DHRS4L2: variants seen among roughly 807,000 people sequenced by gnomAD.
DHRS4L2 encodes dehydrogenase/reductase 4 like 2, also known as dehydrogenase/reductase SDR family member 4-like 2.
In DHRS4L2, 22 loss-of-function variants were observed where a neutral mutation model predicts 23.9. That is an observed-to-expected ratio of 0.92 (90% CI 0.66 to 1.31). The LOEUF (loss-of-function observed/expected upper bound fraction) is 1.31, where lower values mean the gene tolerates loss of function less well. Ranked by LOEUF, DHRS4L2 falls within the 40% of genes most tolerant of loss-of-function variation. DHRS4L2 has a pLI of 0.00. For missense variants in DHRS4L2, 385 were observed against 303.3 expected (o/e 1.27, Z -2.00); for synonymous variants, 141 against 123.7 (o/e 1.14, Z -0.93).
chr14:24,005,490 A>C (rs988588579), intron 7 of DHRS4L2, among the ~76,000 whole-genome samples: 1 of 152,056 alleles, frequency 6.6e-6, no homozygotes, highest in Non-Finnish European at 1.5e-5. Flanking sequence ...GTACAAATGG[A>C]ATCATTTTAA....
At chr14:23,972,385 C>T (rs183447256) in intron 1 of DHRS4L2, among the ~76,000 whole-genome samples, 1 of 151,958 alleles carries the variant, frequency 6.6e-6, no homozygotes, top group African/African-American at 2.4e-5. Context: ...TGGAGTTGTT[C>T]ATTCCTCCTG....
At chr14:23,999,390 A>G (rs2034446688) in intron 3 of DHRS4L2, among the ~76,000 whole-genome samples, 1 of 149,048 alleles carries the variant, frequency 6.7e-6, no homozygotes, top group South Asian at 2.1e-4. Flanking sequence ...TCTGCAAAGC[A>G]TAAGAAAATA....
upstream of DHRS4L2, chr14:23,988,724 C>T: frequency 1.5e-6 from 2 of 1,314,540 alleles, no homozygotes; most frequent in African/African-American, 1.5e-5. Context: ...GCTTTGATCA[C>T]TCACCAGCCC....
At chr14:23,973,127 A>G (rs1287276312) in intron 1 of DHRS4L2, among the ~76,000 whole-genome samples, 4 of 151,832 alleles carry the variant, frequency 2.6e-5, no homozygotes, top group Non-Finnish European at 5.9e-5. Flanking sequence ...TCTTTTACTA[A>G]TCCACCAGAG....
upstream of DHRS4L2, among the ~76,000 whole-genome samples, chr14:23,986,517 A>AAAAG (rs902984553): frequency 4.7e-5 from 7 of 150,192 alleles, no homozygotes; most frequent in African/African-American, 9.8e-5. Context: ...TAAAAAAAAA[A>AAAAG]AAAGAAAGAA....
At position 24,001,422 on chromosome 14, in the gene DHRS4L2, G is replaced by A. The variant is rs775705163; in HGVS notation, c.570G>A (p.Leu190=). 19 of 1,607,826 alleles carry A rather than the reference G, an allele frequency of 1.2e-5. 1 individual carries two copies. In the East Asian group the frequency reaches 1.8e-4, roughly 15 times the overall value. Residue 190 remains leucine (L), a synonymous_variant, in exon 6 of 8, where the codon CTG becomes CTA. Coordinates refer to ENST00000335125, the MANE Select transcript of DHRS4L2 (RefSeq NM_198083.4). The stretch of plus-strand genomic sequence containing the variant: ...ACAATGTCAGTAAAACAGCCTTGCT[G>A]GGCCTCAACAATACCCTGGCCATAG... The part of the protein sequence containing the change: ...SPYNVSKTAL[L]GLNNTLAIEL...
intron 1 of DHRS4L2, among the ~76,000 whole-genome samples, chr14:23,973,744 C>G (rs569441775): frequency 1.3e-5 from 2 of 151,600 alleles, no homozygotes; most frequent in East Asian, 3.9e-4. Flanking sequence ...AACCCAGATT[C>G]ATAAAGCAAG....
rs577818515 is a variant in DHRS4L2, at chr14:24,000,003, T to G, written c.409-860T>G. On this transcript the variant is annotated intron_variant, in intron 3 of 7. Coordinates refer to ENST00000335125, the MANE Select transcript of DHRS4L2 (RefSeq NM_198083.4). ...AGCCACCATGCCCAGCCCTGAGTTT[T>G]TTTTTTTTTAATTTACATTTTTTTA... is the stretch of plus-strand genomic sequence containing the variant. Among the ~76,000 whole-genome samples the G allele has an allele frequency of 2.0e-3, 281 of 140,240 alleles. 41 individuals carry two copies. Among genetic ancestry groups the G allele is most frequent in the African/African-American group, 5.6e-3 (184 of 32,980 alleles). 92.0% of individuals were successfully genotyped at this position (140,240 alleles called of 152,430 possible). A position where few individuals can be genotyped will look rare whatever the true frequency, so the allele number is the denominator to read the frequency against.
At chr14:24,000,642 T>C (rs2034466865) in intron 3 of DHRS4L2, among the ~76,000 whole-genome samples, 1 of 151,768 alleles carries the variant, frequency 6.6e-6, no homozygotes, top group African/African-American at 2.4e-5. Context: ...GGCTCCATTT[T>C]TGCTCACCTG....
chr14:23,981,782 A>G (rs1265288055), intron 1 of DHRS4L2, among the ~76,000 whole-genome samples: 1 of 151,702 alleles, frequency 6.6e-6, no homozygotes, highest in East Asian at 1.9e-4. Flanking sequence ...TGTCACAAAT[A>G]AGTTCAAGGG....
chr14:23,992,521 C>T (rs1379629602), intron 2 of DHRS4L2, among the ~76,000 whole-genome samples: 1 of 151,126 alleles, frequency 6.6e-6, no homozygotes, highest in Non-Finnish European at 1.5e-5. Context: ...CTCATCTGCA[C>T]ACCACGAAGC....
chr14:23,970,113 T>C, exon 1 of DHRS4L2: 1 of 456,132 alleles, frequency 2.2e-6, no homozygotes, highest in Non-Finnish European at 4.4e-6. Context: ...AAGCCCACCG[T>C]GGAGCTCATC....
upstream of DHRS4L2, among the ~76,000 whole-genome samples, chr14:23,987,797 C>T (rs1342259293): frequency 6.6e-6 from 1 of 151,766 alleles, no homozygotes; most frequent in Non-Finnish European, 1.5e-5. Flanking sequence ...CTGCCATGAA[C>T]CAGCACTGCT....
chr14:23,987,435 C>G (rs1435780589), upstream of DHRS4L2, among the ~76,000 whole-genome samples: 1 of 151,572 alleles, frequency 6.6e-6, no homozygotes, highest in African/African-American at 2.4e-5. Context: ...GCTGAATGTC[C>G]AAATCCTTTT....
At chr14:23,983,674 A>G (rs558629216) in intron 1 of DHRS4L2, among the ~76,000 whole-genome samples, 7 of 151,936 alleles carry the variant, frequency 4.6e-5, no homozygotes, top group Non-Finnish European at 8.8e-5. Context: ...AATGGGGCAC[A>G]TATACACCAT....
chr14:23,971,600 G>A (rs1278818123), intron 1 of DHRS4L2, among the ~76,000 whole-genome samples: 1 of 152,044 alleles, frequency 6.6e-6, no homozygotes, highest in Non-Finnish European at 1.5e-5. Context: ...GACCAACAAA[G>A]GGAAGCCCAT....
At chr14:24,004,193 C>T (rs1352043579) in intron 6 of DHRS4L2, 144 bp from the exon 7 acceptor site, 75 of 933,004 alleles carry the variant, frequency 8.0e-5, no homozygotes, top group Middle Eastern at 3.0e-4. Context: ...TGGCATAACC[C>T]GGGAGGCGGA....
chr14:23,994,717 A>G (rs985605668), intron 2 of DHRS4L2, among the ~76,000 whole-genome samples: 2 of 151,862 alleles, frequency 1.3e-5, no homozygotes, highest in African/African-American at 2.4e-5. Context: ...TTAAATGGTT[A>G]GCGGCAGATC....
rs1315782312 is a variant in DHRS4L2 at position 24,000,953 on chromosome 14, G to C, written c.479+20G>C. 6.2e-7 allele frequency: 1 copy of C among 1,611,282 alleles called. No homozygotes were observed. Among genetic ancestry groups the C allele is most frequent in the African/African-American group, 1.4e-5 (1 of 73,436 alleles). ...ACGAGGGTACAGAGAGTGAGAGAGAGCCTGGGTGAGAGGGGACCCCACACA... is the reference window on the plus strand; with the variant it reads ...ACGAGGGTACAGAGAGTGAGAGAGACCCTGGGTGAGAGGGGACCCCACACA... On this transcript the variant is annotated intron_variant, in intron 4 of 7. Coordinates refer to ENST00000335125, the MANE Select transcript of DHRS4L2 (RefSeq NM_198083.4).
Sources: allele counts gnomAD v4.1 joint callset (sites outside exome capture counted in the v4.1 genomes callset), GRCh38; gene constraint gnomAD v4.1.1; transcripts MANE v1.5; gene names NCBI Gene and HGNC (gene_info 2026-07-23, HGNC 2026-07-21).